Variants in CDCA8 observed in about 807,000 individuals in gnomAD.
CDCA8 encodes the protein borealin.
A neutral mutation model predicts 40.0 loss-of-function variants in CDCA8; 25 were observed. The observed-to-expected ratio is 0.63, with a 90% CI of 0.46 to 0.87. The LOEUF is 0.87. Ranked by LOEUF, CDCA8 falls within the 40% of genes least tolerant of loss-of-function variation. CDCA8 has a pLI of 0.00. For synonymous variants in CDCA8, 111 were observed against 126.5 expected (o/e 0.88, Z 0.82); for missense variants, 280 against 348.4 (o/e 0.80, Z 1.56).
rs952591153 is a variant in CDCA8, at chr1:37,698,901, A to G, written c.265-4A>G. ...CTGGTGCTTTCTGGCTATGTTTGTC[A>G]TAGGCTGACCTGGATATCACCGAAA... On this transcript the variant is annotated splice_polypyrimidine_tract_variant and splice_region_variant and intron_variant, in intron 3 of 9. Coordinates refer to ENST00000373055, the MANE Select transcript of CDCA8 (RefSeq NM_001256875.2). 2.0e-5 allele frequency: 33 copies of G among 1,610,596 alleles called. No homozygotes were observed. Among genetic ancestry groups the G allele is most frequent in the East Asian group, 4.5e-5 (2 of 44,878 alleles).
intron 3 of CDCA8, among the ~76,000 whole-genome samples, chr1:37,697,715 C>T (rs11264087): frequency 0.15 from 23,532 of 152,280 alleles, 2,542 homozygotes; most frequent in East Asian, 0.45. Context: ...ACAGTAGATG[C>T]CCAGTGGCCT....
chr1:37,706,003 G>C (rs951794819), intron 8 of CDCA8, among the ~76,000 whole-genome samples: 3 of 149,790 alleles, frequency 2.0e-5, no homozygotes, highest in African/African-American at 7.4e-5. Flanking sequence ...AGAGATGGGG[G>C]TTTCACCACG....
Position 37,699,963 on chromosome 1 carries a change from A to G in CDCA8, c.338-473A>G, listed in dbSNP as rs998634894. On this transcript the variant is annotated intron_variant, in intron 4 of 9. Coordinates refer to ENST00000373055, the MANE Select transcript of CDCA8 (RefSeq NM_001256875.2). ...CTCAATTCCATGATCTATCCACATA[A>G]AATCATCTTACATACATGTCCCGCA... 5.9e-5 allele frequency among the ~76,000 whole-genome samples: 9 copies of G among 152,168 alleles called. No individual in the cohort carries two copies. In the South Asian group the frequency reaches 1.5e-3, roughly 25 times the overall value.
chr1:37,708,198 C>T, intron 9 of CDCA8, 124 bp from the exon 10 acceptor site: 1 of 808,772 alleles, frequency 1.2e-6, no homozygotes, highest in Non-Finnish European at 2.2e-6. Context: ...GAAACAGGTT[C>T]AGAAAGGTGA....
chr1:37,702,756 C>T (rs969759575), intron 6 of CDCA8, among the ~76,000 whole-genome samples: 7 of 151,712 alleles, frequency 4.6e-5, no homozygotes, highest in East Asian at 1.9e-4. Flanking sequence ...GTTTGAGACC[C>T]GCCTGGCCAA....
chr1:37,695,368 TAAAAAAA>T (rs71690196), intron 2 of CDCA8, among the ~76,000 whole-genome samples: 24 of 76,464 alleles, frequency 3.1e-4, no homozygotes, highest in Admixed American at 1.4e-3. Flanking sequence ...CATCTCTACT[TAAAAAAA>T]AAAAAAAAAA....
chr1:37,696,080 A>G lies in CDCA8; in HGVS notation c.264+130A>G. ...ATCATCTGTTTGTGTCAACTGAAAA[A>G]TTAGAGTTGGACCAGACACTGTATA... is the stretch of plus-strand genomic sequence containing the variant. On this transcript the variant is annotated intron_variant, in intron 3 of 9. Transcript: ENST00000373055. The surrounding 1 kb of genome is among the most constrained non-coding windows in gnomAD (Gnocchi z 5.0). 1 of 789,372 alleles carries G rather than the reference A, an allele frequency of 1.3e-6. No individual in the cohort carries two copies. Among genetic ancestry groups the G allele is most frequent in the Non-Finnish European group, 2.1e-6 (1 of 471,058 alleles). 48.9% of individuals were successfully genotyped at this position (789,372 alleles called of 1,614,324 possible).
At chr1:37,693,339 G>A (rs1359306798) in intron 2 of CDCA8, among the ~76,000 whole-genome samples, 2 of 152,178 alleles carry the variant, frequency 1.3e-5, no homozygotes, top group African/African-American at 4.8e-5. Context: ...TAAAATTTTA[G>A]TTATGGATAC....
rs947315816 is a variant in CDCA8, at chr1:37,695,789, A to T, written c.224-121A>T. 1.1e-5 allele frequency: 8 copies of T among 721,050 alleles called. No homozygotes were observed. The Admixed American group carries it at 2.1e-4, about 18-fold the overall frequency. The allele number at this position is 721,050 out of a possible 1,614,324, so 44.7% of individuals were successfully genotyped here. ...ATAACTTGGAGAAAGAATAGATTAG[A>T]TGGTGAAGGTCCTTGAAGGTTAGAC... On this transcript the variant is annotated intron_variant, in intron 2 of 9. Transcript: ENST00000373055.
At chr1:37,705,406 G>A in intron 7 of CDCA8, 35 bp from the exon 8 acceptor site, 1 of 1,604,556 alleles carries the variant, frequency 6.2e-7, no homozygotes, top group Non-Finnish European at 8.5e-7. Flanking sequence ...TCATCCAATT[G>A]CCAAGCTATC....
At position 37,700,336 on chromosome 1, in the gene CDCA8, G is replaced by A. The variant is rs937333945; in HGVS notation, c.338-100G>A. 16 of 717,338 alleles carry A rather than the reference G, an allele frequency of 2.2e-5. No homozygotes were observed. In the Admixed American group the frequency reaches 3.3e-4, roughly 15 times the overall value. 44.4% of individuals were successfully genotyped at this position (717,338 alleles called of 1,614,324 possible). On this transcript the variant is annotated intron_variant, in intron 4 of 9. Coordinates refer to ENST00000373055, the MANE Select transcript of CDCA8 (RefSeq NM_001256875.2). ...TTTATTTTTAGTCCATTTCTTCCTT[G>A]CAGCTTAAGATTGTGTACATTTTAT...
At chr1:37,693,146 A>G in intron 2 of CDCA8, 113 bp downstream of exon 2, 1 of 756,220 alleles carries the variant, frequency 1.3e-6, no homozygotes, top group Admixed American at 3.0e-5. Flanking sequence ...TGACATGACC[A>G]CTTATGGAAA....
rs1381726068 is a variant in CDCA8, at chr1:37,696,145, A to G, written c.264+195A>G. On this transcript the variant is annotated intron_variant, in intron 3 of 9. Coordinates refer to ENST00000373055, the MANE Select transcript of CDCA8 (RefSeq NM_001256875.2). The surrounding 1 kb of genome is among the most constrained non-coding windows in gnomAD (Gnocchi z 5.0). ...AGTTCTGAGCCCTACAGAAGGTGGC[A>G]GTTCTGTTTTTGACCAATTTCTTGC... Among the ~76,000 whole-genome samples, 1 of 152,220 alleles carries G rather than the reference A, an allele frequency of 6.6e-6. No homozygotes were observed. Among genetic ancestry groups the G allele is most frequent in the Non-Finnish European group, 1.5e-5 (1 of 68,042 alleles).
At position 37,692,759 on chromosome 1, in the gene CDCA8, C is replaced by T. The variant is rs200041937; in HGVS notation, c.69C>T (p.Ser23=). 86 of 1,613,670 alleles carry T rather than the reference C, an allele frequency of 5.3e-5. No individual in the cohort carries two copies. In the South Asian group the frequency reaches 5.4e-4, roughly 10 times the overall value. The change falls in exon 1 of 10, where the codon TCC becomes TCT. Residue 23 remains serine, a synonymous_variant. Transcript: ENST00000373055. ...TNSLRRRKLA[S]FLKDFDREVE... Reference sequence around the variant, plus strand: ...CCTTACGGAGGCGGAAGCTCGCCTCCTTTCTGAAAGACTTCGACCGTGAAG... The same window carrying T: ...CCTTACGGAGGCGGAAGCTCGCCTCTTTTCTGAAAGACTTCGACCGTGAAG...
chr1:37,705,878 C>T (rs141020815), intron 8 of CDCA8, among the ~76,000 whole-genome samples: 57 of 144,640 alleles, frequency 3.9e-4, no homozygotes, highest in African/African-American at 1.4e-3. Flanking sequence ...GGTGCGATCT[C>T]GGCTCACTGC....
chr1:37,697,231 G>A (rs1351608501), intron 3 of CDCA8, among the ~76,000 whole-genome samples: 6 of 152,176 alleles, frequency 3.9e-5, no homozygotes, highest in Non-Finnish European at 7.3e-5. Context: ...TTCACTAGGA[G>A]GATTCATGGG....
chr1:37,701,711 C>G, intron 5 of CDCA8, 43 bp from the exon 6 acceptor site: 4 of 1,302,482 alleles, frequency 3.1e-6, no homozygotes, highest in Non-Finnish European at 4.3e-6. Flanking sequence ...TTCCTCTTTG[C>G]TGGGTTTTTT....
At chr1:37,703,668 A>G (rs767532877) in intron 7 of CDCA8, among the ~76,000 whole-genome samples, 1 of 152,124 alleles carries the variant, frequency 6.6e-6, no homozygotes, top group Non-Finnish European at 1.5e-5. Context: ...GTGAGCTGCA[A>G]TTGCACCACT....
At chr1:37,697,518 C>T (rs1645535317) in intron 3 of CDCA8, among the ~76,000 whole-genome samples, 1 of 152,200 alleles carries the variant, frequency 6.6e-6, no homozygotes, top group Admixed American at 6.5e-5. Flanking sequence ...CCTAGACTTT[C>T]AGGAGGGAAG....
Sources: gnomAD v4.1 joint callset for allele counts (sites outside exome capture counted in the v4.1 genomes callset) on GRCh38, gnomAD v4.1.1 for gene constraint, Gnocchi (gnomAD v3.1) non-coding constraint, MANE v1.5 for transcripts, NCBI Gene and HGNC (gene_info 2026-07-23, HGNC 2026-07-21) for gene names.